Variants in SYCP3 observed in about 807,000 individuals in gnomAD.
SYCP3 encodes synaptonemal complex protein 3.
A neutral mutation model predicts 38.5 loss-of-function variants in SYCP3; 29 were observed. The observed-to-expected ratio is 0.75, with a 90% CI of 0.56 to 1.03. SYCP3 has a LOEUF of 1.03. SYCP3 is among the 50% of genes least tolerant of loss of function. SYCP3 has a pLI of 0.00. For synonymous variants in SYCP3, 79 were observed against 80.3 expected, an observed-to-expected ratio of 0.98 and a Z score of 0.08; for missense variants, 242 against 270.7, an observed-to-expected ratio of 0.89 and a Z score of 0.74.
In SYCP3 at chr12:101,729,117, T is replaced by A. The variant is rs773464616; in HGVS notation, c.649A>T (p.Met217Leu). Residue 217 changes from methionine (M) to leucine (L), a missense_variant, in exon 8 of 9, where the codon ATG (methionine) becomes TTG (leucine). By Grantham distance (15) the Met-to-Leu change is conservative. Coordinates refer to ENST00000392924, the MANE Select transcript of SYCP3 (RefSeq NM_001177949.2). ...TCAATATGATCACTTACAGTTTCCA[T>A]CATAATTTTTTTTTGCAACATAGCC... ...EMAMLQKKIM[M>L]ETQQQEIASV... 20 of 1,610,176 alleles carry A rather than the reference T, an allele frequency of 1.2e-5. No individual in the cohort carries two copies. The highest frequency in any genetic ancestry group is 1.7e-5 in the Non-Finnish European group (20 of 1,177,094).
In SYCP3 at chr12:101,731,367, G is replaced by T. The variant is rs549260950; in HGVS notation, c.552+201C>A. Among the ~76,000 whole-genome samples, 108 of 152,158 alleles carry T rather than the reference G, an allele frequency of 7.1e-4. 2 individuals are homozygous for T. The highest frequency in any genetic ancestry group is 1.4e-3 in the South Asian group (7 of 4,828). ...TAAAATTCCCAATTTACCATTTCCT[G>T]TCTTGAATAATCCCAACAAAACCAT... On this transcript the variant is annotated intron_variant, in intron 7 of 8. Coordinates refer to ENST00000392924, the MANE Select transcript of SYCP3 (RefSeq NM_001177949.2).
In SYCP3 at chr12:101,732,471, A is replaced by G. The variant is rs1012861192; in HGVS notation, c.454-805T>C. On this transcript the variant is annotated intron_variant, in intron 6 of 8. Transcript: ENST00000392924. Reference sequence around the variant, plus strand: ...ATCCTGGGGGGACCAGTTCCAGGACACCCAACCCCTCAGGAGACCAAAATG... The same window carrying G: ...ATCCTGGGGGGACCAGTTCCAGGACGCCCAACCCCTCAGGAGACCAAAATG... 3 of 152,104 alleles carry G rather than the reference A, an allele frequency of 2.0e-5. No individual in the cohort carries two copies. In the South Asian group the frequency reaches 6.2e-4, roughly 32 times the overall value. The allele number at this position is 152,104 out of a possible 1,614,324, so 9.4% of individuals were successfully genotyped here.
At chr12:101,729,037 C>G (rs1952062694) in intron 8 of SYCP3, 57 bp from the exon 9 acceptor site, 2 of 1,609,430 alleles carry the variant, frequency 1.2e-6, no homozygotes, top group Non-Finnish European at 8.5e-7. Context: ...AGTGTTATAC[C>G]TATTTCAGCA....
intron 5 of SYCP3, 141 bp downstream of exon 5, chr12:101,734,786 G>C (rs1952335703): frequency 6.5e-6 from 4 of 613,304 alleles, no homozygotes; most frequent in South Asian, 6.5e-5. Flanking sequence ...GACCTCAAGT[G>C]ATCTGCCTGC....
intron 5 of SYCP3, 135 bp from the exon 6 acceptor site, chr12:101,733,809 A>G (rs969702940): frequency 1.4e-5 from 10 of 732,694 alleles, no homozygotes; most frequent in African/African-American, 1.8e-5. Context: ...ATGGGAAACC[A>G]AAAAGTAAAA....
chr12:101,731,846 A>G (rs1299580975), intron 6 of SYCP3, 180 bp from the exon 7 acceptor site: 2 of 450,432 alleles, frequency 4.4e-6, no homozygotes, highest in Non-Finnish European at 7.8e-6. Context: ...GTAACAATAT[A>G]TTAATTCTAC....
At position 101,730,323 on chromosome 12, in the gene SYCP3, A is replaced by G. The variant is rs559855521; in HGVS notation, c.553-1110T>C. Among the ~76,000 whole-genome samples the G allele has an allele frequency of 1.2e-4, 19 of 152,290 alleles. No homozygotes were observed. In the East Asian group the frequency reaches 2.3e-3, roughly 19 times the overall value. On this transcript the variant is annotated intron_variant, in intron 7 of 8. Coordinates refer to ENST00000392924, the MANE Select transcript of SYCP3 (RefSeq NM_001177949.2). The stretch of plus-strand genomic sequence containing the variant: ...AGATGGAAGAGTCAAAGGTTATACT[A>G]TAGTTCCTATCCTAAATAGTAACAT...
At chr12:101,739,265 C>T (rs1179391300) in intron 1 of SYCP3, 86 bp downstream of exon 1, 2 of 1,000,310 alleles carry the variant, frequency 2.0e-6, no homozygotes, top group African/African-American at 3.5e-5. Context: ...CCCCAGGCGA[C>T]GCCAGGAGGT....
intron 7 of SYCP3, chr12:101,730,539 G>A (rs1242471582): frequency 2.6e-6 from 1 of 391,750 alleles, no homozygotes; most frequent in Non-Finnish European, 4.9e-6. Flanking sequence ...TGTCGCCCAG[G>A]CTGGAGTACA....
At chr12:101,735,872 T>TATATATATA (rs200896843) in intron 4 of SYCP3, among the ~76,000 whole-genome samples, 1 of 69,554 alleles carries the variant, frequency 1.4e-5, no homozygotes, top group African/African-American at 6.3e-5. Flanking sequence ...TATATATATA[T>TATATATATA]TTTTTTTTTT....
chr12:101,737,139 T>TA, intron 3 of SYCP3, 68 bp from the exon 4 acceptor site: 1 of 1,605,018 alleles, frequency 6.2e-7, no homozygotes, highest in Non-Finnish European at 8.5e-7. Flanking sequence ...TTGGAAGAAA[T>TA]ACCAGATGCC....
Position 101,737,943 on chromosome 12 carries a change from T to G in SYCP3, c.-8A>C, listed in dbSNP as rs1332604971. On this transcript the variant is annotated 5_prime_UTR_variant, in exon 2 of 9. Transcript: ENST00000392924. The stretch of plus-strand genomic sequence containing the variant: ...TTTTCCGGAGGACACCATATTTAGA[T>G]GCTTCCTGACTTTAAAAAACAAATT... The G allele has an allele frequency of 7.4e-6, 12 of 1,614,036 alleles. No homozygotes were observed. Among genetic ancestry groups the G allele is most frequent in the Non-Finnish European group, 1.0e-5 (12 of 1,180,038 alleles).
rs753491000 is a variant in SYCP3, at chr12:101,729,089, A to G, written c.657+20T>C. 1.4e-5 allele frequency: 23 copies of G among 1,608,088 alleles called. No homozygotes were observed. The Admixed American group carries it at 1.5e-4, about 11-fold the overall frequency. On this transcript the variant is annotated intron_variant, in intron 8 of 8. Transcript: ENST00000392924. ...GCTTATATTAATCCTTATTTTTTCA[A>G]TTTCAATATGATCACTTACAGTTTC...
Position 101,728,694 on chromosome 12 carries a change from T to A in SYCP3, c.*233A>T, listed in dbSNP as rs1254396279. ...TAATTGACAGTGTTAGAGAGAAAAA[T>A]TCACTATCATTACTAAAGAGCTGAA... On this transcript the variant is annotated 3_prime_UTR_variant, in exon 9 of 9. Transcript: ENST00000392924. The A allele has an allele frequency of 1.8e-6, 1 of 543,872 alleles. No homozygotes were observed. The highest frequency in any genetic ancestry group is 3.5e-5 in the Admixed American group (1 of 28,282). The allele number at this position is 543,872 out of a possible 1,614,324, so 33.7% of individuals were successfully genotyped here.
At chr12:101,734,155 C>T (rs1030078958) in intron 5 of SYCP3, among the ~76,000 whole-genome samples, 3 of 152,104 alleles carry the variant, frequency 2.0e-5, no homozygotes, top group Admixed American at 2.0e-4. Context: ...AAATTATATA[C>T]GATACAAGAT....
chr12:101,738,926 C>T (rs1246226376), intron 1 of SYCP3, among the ~76,000 whole-genome samples: 1 of 152,210 alleles, frequency 6.6e-6, no homozygotes, highest in Non-Finnish European at 1.5e-5. Context: ...CGGGACACGA[C>T]ATGAGGATGC....
Position 101,728,844 on chromosome 12 carries a change from T to G in SYCP3, c.*83A>C. ...ATTAAAGATGTTACAATTAAACTAT[T>G]CTAAAGACTTACAATATGCTTCTTA... is the stretch of plus-strand genomic sequence containing the variant. On this transcript the variant is annotated 3_prime_UTR_variant, in exon 9 of 9. Transcript: ENST00000392924. The G allele has an allele frequency of 6.3e-7, 1 of 1,590,502 alleles. No individual in the cohort carries two copies.
At position 101,734,140 on chromosome 12, in the gene SYCP3, C is replaced by T. The variant is rs574598807; in HGVS notation, c.354-466G>A. Among the ~76,000 whole-genome samples, 3 of 152,298 alleles carry T rather than the reference C, an allele frequency of 2.0e-5. No homozygotes were observed. The South Asian group carries it at 6.2e-4, about 32-fold the overall frequency. On this transcript the variant is annotated intron_variant, in intron 5 of 8. Transcript: ENST00000392924. ...AAAAGAAGAGTTAAGTCAGCTAAAA[C>T]ATACAAATTATATACGATACAAGAT... is the stretch of plus-strand genomic sequence containing the variant.
At chr12:101,737,102 G>GA in intron 3 of SYCP3, 31 bp from the exon 4 acceptor site, 1 of 1,613,322 alleles carries the variant, frequency 6.2e-7, no homozygotes, top group East Asian at 2.2e-5. Context: ...AAACACTTTA[G>GA]AAGATCCACA....
Sources: allele counts gnomAD v4.1 joint callset (sites outside exome capture counted in the v4.1 genomes callset), GRCh38; gene constraint gnomAD v4.1.1; transcripts MANE v1.5; gene names NCBI Gene and HGNC (gene_info 2026-07-23, HGNC 2026-07-21).